Variants in PTGR1 observed in about 807,000 individuals in gnomAD.
PTGR1 encodes prostaglandin reductase 1.
A neutral mutation model predicts 37.7 loss-of-function variants in PTGR1; 23 were observed. That is an observed-to-expected ratio of 0.61 (90% confidence interval 0.44 to 0.86). PTGR1 has a LOEUF of 0.86. Ranked by LOEUF, PTGR1 falls within the 40% of genes least tolerant of loss-of-function variation. The pLI is 0.00. For missense variants in PTGR1, 351 were observed against 394.3 expected, an observed-to-expected ratio of 0.89 and a Z score of 0.93; for synonymous variants, 134 against 140.0, an observed-to-expected ratio of 0.96 and a Z score of 0.30.
Position 111,592,850 on chromosome 9 carries a change from T to C in PTGR1, c.209+76A>G, listed in dbSNP as rs560805108. ...TAGGCTGAAGAAATTGTAGGAGCAA[T>C]GGACAGAGACAGGACCCAGCAGGAG... On this transcript the variant is annotated intron_variant, in intron 4 of 9. Coordinates refer to ENST00000407693, the MANE Select transcript of PTGR1 (RefSeq NM_001146108.2). 9.3e-5 allele frequency: 144 copies of C among 1,545,560 alleles called. 1 individual carries two copies. The South Asian group carries it at 1.4e-3, about 15-fold the overall frequency.
intron 8 of PTGR1, 109 bp downstream of exon 8, chr9:111,574,625 A>T: frequency 1.4e-6 from 1 of 715,368 alleles, no homozygotes. Flanking sequence ...AAAAAAGAAT[A>T]TATGAAAATC....
intron 9 of PTGR1, among the ~76,000 whole-genome samples, chr9:111,554,888 T>C (rs1239609325): frequency 1.3e-5 from 2 of 152,142 alleles, no homozygotes; most frequent in African/African-American, 4.8e-5. Flanking sequence ...CCAGGGTCTT[T>C]GAGTTAGATG....
chr9:111,556,097 AAGG>A (rs779107166), intron 9 of PTGR1, among the ~76,000 whole-genome samples: 35 of 152,264 alleles, frequency 2.3e-4, no homozygotes, highest in Non-Finnish European at 4.3e-4. Flanking sequence ...CTCCCATTCC[AAGG>A]AGGAGAGATT....
intron 4 of PTGR1, among the ~76,000 whole-genome samples, chr9:111,587,462 T>C (rs1338486147): frequency 1.3e-5 from 2 of 152,224 alleles, no homozygotes; most frequent in East Asian, 1.9e-4. Flanking sequence ...TATTTATTTA[T>C]TTATTTTTTG....
chr9:111,593,108 T>G, intron 3 of PTGR1, 126 bp from the exon 4 acceptor site: 1 of 1,392,328 alleles, frequency 7.2e-7, no homozygotes, highest in Non-Finnish European at 9.5e-7. Context: ...GCTGGATAAG[T>G]GTATGCGGCA....
intron 7 of PTGR1, chr9:111,576,289 T>C: frequency 6.8e-7 from 1 of 1,474,404 alleles, no homozygotes. Flanking sequence ...CATATTTGCA[T>C]ATTGTAAACT....
At chr9:111,594,695 C>T (rs750709684) in intron 2 of PTGR1, among the ~76,000 whole-genome samples, 10 of 151,012 alleles carry the variant, frequency 6.6e-5, no homozygotes, top group African/African-American at 1.2e-4. Context: ...GGACTACAGC[C>T]GCCTGCCTCA....
intron 9 of PTGR1, among the ~76,000 whole-genome samples, chr9:111,554,554 G>A (rs1828065629): frequency 6.6e-6 from 1 of 152,084 alleles, no homozygotes; most frequent in African/African-American, 2.4e-5. Flanking sequence ...ACCAAACCCT[G>A]TATGTTCTAT....
intron 9 of PTGR1, among the ~76,000 whole-genome samples, chr9:111,567,830 G>A (rs917178864): frequency 1.3e-5 from 2 of 152,180 alleles, no homozygotes; most frequent in Admixed American, 1.3e-4. Flanking sequence ...GACCCCAAAC[G>A]GAGGGACTGG....
intron 9 of PTGR1, among the ~76,000 whole-genome samples, chr9:111,550,668 C>T (rs1827913441): frequency 6.6e-6 from 1 of 152,306 alleles, no homozygotes; most frequent in Non-Finnish European, 1.5e-5. Flanking sequence ...CTATCCATGT[C>T]TTTGATTTTT....
At chr9:111,584,513 G>C (rs1396706915) in intron 5 of PTGR1, among the ~76,000 whole-genome samples, 1 of 152,188 alleles carries the variant, frequency 6.6e-6, no homozygotes, top group Non-Finnish European at 1.5e-5. Context: ...AATTCTGAGT[G>C]AAATATGAAT....
intron 9 of PTGR1, among the ~76,000 whole-genome samples, chr9:111,550,776 G>A (rs367701368): frequency 2.3e-4 from 35 of 152,214 alleles, no homozygotes; most frequent in Admixed American, 1.6e-3. Flanking sequence ...ATTTCCAAGT[G>A]CATTATCTGA....
At chr9:111,599,481 T>C (rs1829879536) in intron 1 of PTGR1, 122 bp downstream of exon 1, 1 of 152,180 alleles carries the variant, frequency 6.6e-6, no homozygotes, top group African/African-American at 2.4e-5. Context: ...CATTTCGACG[T>C]AAGGGGAGGA....
chr9:111,585,625 C>CT (rs1318751241), intron 5 of PTGR1, among the ~76,000 whole-genome samples: 1 of 152,226 alleles, frequency 6.6e-6, no homozygotes, highest in East Asian at 1.9e-4. Flanking sequence ...AACTATCATT[C>CT]TACTCTCTAA....
chr9:111,567,159 G>C (rs1828600816), intron 9 of PTGR1, among the ~76,000 whole-genome samples: 1 of 151,902 alleles, frequency 6.6e-6, no homozygotes, highest in Admixed American at 6.6e-5. Context: ...ACTTAAAATA[G>C]GGCCATTTAA....
chr9:111,557,007 A>G (rs1275609331), intron 9 of PTGR1, among the ~76,000 whole-genome samples: 4 of 152,214 alleles, frequency 2.6e-5, no homozygotes, highest in Admixed American at 2.0e-4. Context: ...ACCATTTTTT[A>G]TCTCCTAGGC....
chr9:111,579,068 C>A, intron 6 of PTGR1, 117 bp from the exon 7 acceptor site: 4 of 989,830 alleles, frequency 4.0e-6, no homozygotes, highest in South Asian at 4.1e-5. Flanking sequence ...GGTGCTGAGC[C>A]ACATATAAAA....
intron 7 of PTGR1, among the ~76,000 whole-genome samples, chr9:111,575,636 A>G (rs751006905): frequency 2.6e-5 from 4 of 152,278 alleles, no homozygotes; most frequent in Non-Finnish European, 4.4e-5. Context: ...GTGCTAAAGC[A>G]GTTCAATAGA....
chr9:111,595,426 A>C (rs549637908), intron 2 of PTGR1, among the ~76,000 whole-genome samples: 1 of 152,162 alleles, frequency 6.6e-6, no homozygotes, highest in South Asian at 2.1e-4. Context: ...TACAGTGCTC[A>C]CCATATGGCT....
Sources: gnomAD v4.1 joint callset for allele counts (sites outside exome capture counted in the v4.1 genomes callset) on GRCh38, gnomAD v4.1.1 for gene constraint, MANE v1.5 for transcripts, NCBI Gene and HGNC (gene_info 2026-07-23, HGNC 2026-07-21) for gene names.